TAB2: variants seen among roughly 807,000 people sequenced by gnomAD.
TAB2 encodes TGF-beta activated kinase 1 (MAP3K7) binding protein 2.
TAB2 carries 3 observed loss-of-function variants against 65.0 expected under a neutral mutation model. The observed-to-expected ratio is 0.05, with a 90% CI of 0.02 to 0.12. The LOEUF (loss-of-function observed/expected upper bound fraction) is 0.12, where lower values mean the gene tolerates loss of function less well. Among genes scored for constraint, TAB2 ranks in the 10% least tolerant of loss-of-function variants. TAB2 has a pLI of 1.00. For missense variants in TAB2, 623 were observed against 840.3 expected (o/e 0.74, Z 3.20); for synonymous variants, 298 against 285.1 (o/e 1.05, Z -0.46).
At chr6:149,392,484 G>A (rs1489532878) in intron 3 of TAB2, among the ~76,000 whole-genome samples, 2 of 152,190 alleles carry the variant, frequency 1.3e-5, no homozygotes, top group Non-Finnish European at 2.9e-5. Flanking sequence ...TCGATATACA[G>A]ATAGCTACTT....
At chr6:149,325,459 C>G (rs988307658) in intron 1 of TAB2, among the ~76,000 whole-genome samples, 2 of 152,114 alleles carry the variant, frequency 1.3e-5, no homozygotes, top group African/African-American at 2.4e-5. Context: ...ACTGTAACTC[C>G]TTAGACCAAG....
intron 1 of TAB2, among the ~76,000 whole-genome samples, chr6:149,319,342 A>G (rs1168854281): frequency 6.6e-6 from 1 of 152,234 alleles, no homozygotes; most frequent in African/African-American, 2.4e-5. Context: ...GTAACAATGA[A>G]ATCACGATTT....
At chr6:149,407,072 G>GT (rs756148992) in intron 6 of TAB2, among the ~76,000 whole-genome samples, 8 of 152,164 alleles carry the variant, frequency 5.3e-5, no homozygotes, top group Non-Finnish European at 7.3e-5. Context: ...TTATTTAAAT[G>GT]TTTTTAAATA....
In TAB2 at chr6:149,284,645, T is replaced by TACACAC. The variant is rs59723819; in HGVS notation, c.-121+65913_-121+65918dup. Among the ~76,000 whole-genome samples the TACACAC allele has an allele frequency of 5.3e-3, 744 of 141,606 alleles. 4 individuals are homozygous for TACACAC. The highest frequency in any genetic ancestry group is 9.4e-3 in the East Asian group (46 of 4,902). 92.9% of individuals were successfully genotyped at this position (141,606 alleles called of 152,430 possible). On this transcript the variant is annotated intron_variant, in intron 1 of 1. Coordinates refer to the TAB2 transcript ENST00000606202. ...CATATCTACCACAGAATGATCTCTT[T>TACACAC]ACACACACACACACACACACACACA...
chr6:149,407,776 T>TA (rs1285513904), intron 6 of TAB2, among the ~76,000 whole-genome samples: 195 of 139,288 alleles, frequency 1.4e-3, no homozygotes, highest in Middle Eastern at 3.6e-3. Context: ...CACCTCTAAT[T>TA]AAAAAAAAAA....
At chr6:149,387,122 A>AT (rs1386269024) in intron 3 of TAB2, among the ~76,000 whole-genome samples, 5 of 151,766 alleles carry the variant, frequency 3.3e-5, no homozygotes, top group Non-Finnish European at 7.4e-5. Flanking sequence ...AACTCTATGT[A>AT]TTTTTTCTTT....
intron 6 of TAB2, chr6:149,400,682 A>G (rs1782353765): frequency 9.3e-6 from 15 of 1,613,234 alleles, no homozygotes; most frequent in Non-Finnish European, 1.3e-5. Flanking sequence ...TCTACTGAAA[A>G]GGGAACCTGC....
intron 1 of TAB2, among the ~76,000 whole-genome samples, chr6:149,312,030 G>A (rs1220507887): frequency 6.6e-6 from 1 of 152,238 alleles, no homozygotes; most frequent in African/African-American, 2.4e-5. Context: ...AGGGAGAGAT[G>A]AGAAGATTAG....
At chr6:149,390,232 A>G (rs1182050621) in intron 3 of TAB2, among the ~76,000 whole-genome samples, 1 of 152,238 alleles carries the variant, frequency 6.6e-6, no homozygotes, top group African/African-American at 2.4e-5. Context: ...TTTCCTAGGT[A>G]CAATGACTTA....
chr6:149,301,309 CA>C (rs2114703433), intron 1 of TAB2, among the ~76,000 whole-genome samples: 2 of 152,306 alleles, frequency 1.3e-5, no homozygotes, highest in South Asian at 4.1e-4. Context: ...GGAACTACAA[CA>C]ATGCTAGAAG....
At chr6:149,259,185 A>G (rs1178618863) in intron 1 of TAB2, among the ~76,000 whole-genome samples, 1 of 152,198 alleles carries the variant, frequency 6.6e-6, no homozygotes, top group Non-Finnish European at 1.5e-5. Flanking sequence ...GACAGTAACA[A>G]TAGGAAACTA....
intron 3 of TAB2, among the ~76,000 whole-genome samples, chr6:149,387,751 A>T (rs988436399): frequency 6.6e-6 from 1 of 152,238 alleles, no homozygotes; most frequent in African/African-American, 2.4e-5. Flanking sequence ...CCCTCACTAG[A>T]GATAACTAGT....
intron 1 of TAB2, among the ~76,000 whole-genome samples, chr6:149,282,061 G>C (rs1425499336): frequency 6.6e-6 from 1 of 152,128 alleles, no homozygotes; most frequent in Non-Finnish European, 1.5e-5. Context: ...AGCTACTCGG[G>C]AGGCTGAGAC....
intron 1 of TAB2, among the ~76,000 whole-genome samples, chr6:149,344,763 A>G (rs1372241131): frequency 6.6e-6 from 1 of 152,186 alleles, no homozygotes; most frequent in Non-Finnish European, 1.5e-5. Context: ...GGCAGTAGTA[A>G]TGCCTAATAA....
intron 6 of TAB2, among the ~76,000 whole-genome samples, chr6:149,402,616 C>G (rs920377864): frequency 2.0e-5 from 3 of 152,276 alleles, no homozygotes; most frequent in South Asian, 4.1e-4. Flanking sequence ...GGGAACACTT[C>G]CAAACTCATT....
chr6:149,377,439 C>A (rs1019056467), intron 2 of TAB2, among the ~76,000 whole-genome samples: 1 of 151,374 alleles, frequency 6.6e-6, no homozygotes, highest in Non-Finnish European at 1.5e-5. Flanking sequence ...CTGGAGGCTA[C>A]CTTGAGCCTC....
chr6:149,231,511 C>G (rs1405356043), intron 1 of TAB2, among the ~76,000 whole-genome samples: 1 of 152,154 alleles, frequency 6.6e-6, no homozygotes, highest in Non-Finnish European at 1.5e-5. Flanking sequence ...AAATTTTAAA[C>G]TTGATTTGGG....
At chr6:149,284,711 A>T (rs1259881491) in intron 1 of TAB2, among the ~76,000 whole-genome samples, 1 of 151,302 alleles carries the variant, frequency 6.6e-6, no homozygotes, top group Non-Finnish European at 1.5e-5. Context: ...TAAACAATCT[A>T]TCCCAACTCA....
At chr6:149,302,003 C>T (rs1348992547) in intron 1 of TAB2, among the ~76,000 whole-genome samples, 2 of 152,132 alleles carry the variant, frequency 1.3e-5, no homozygotes, top group Admixed American at 6.5e-5. Context: ...CTCCAAAAAT[C>T]CAAGCAGAAA....
Sources: gnomAD v4.1 joint callset for allele counts (sites outside exome capture counted in the v4.1 genomes callset) on GRCh38, gnomAD v4.1.1 for gene constraint, MANE v1.5 for transcripts, NCBI Gene and HGNC (gene_info 2026-07-23, HGNC 2026-07-21) for gene names.